NKAIN2: variants seen among roughly 807,000 people sequenced by gnomAD.
NKAIN2 encodes the protein sodium/potassium-transporting ATPase subunit beta-1-interacting protein 2.
In NKAIN2, 14 loss-of-function variants were observed where a neutral mutation model predicts 32.6. That is an observed-to-expected ratio of 0.43 (90% CI 0.28 to 0.67). The LOEUF (loss-of-function observed/expected upper bound fraction) is 0.67. NKAIN2 is among the 30% of genes least tolerant of loss of function. The probability of loss-of-function intolerance (pLI) is 0.17; values close to 1 mark genes in which losing one functional copy is unlikely to be tolerated. For synonymous variants in NKAIN2, 80 were observed against 87.2 expected (o/e 0.92, Z 0.46); for missense variants, 198 against 258.3 (o/e 0.77, Z 1.60).
intron 4 of NKAIN2, among the ~76,000 whole-genome samples, chr6:124,742,355 C>T (rs1011019039): frequency 1.3e-5 from 2 of 151,748 alleles, no homozygotes; most frequent in Admixed American, 6.6e-5. Context: ...AATTCTCTCT[C>T]TCCTCTGAGG....
chr6:123,870,302 G>T (rs1772802371), intron 1 of NKAIN2, among the ~76,000 whole-genome samples: 1 of 152,116 alleles, frequency 6.6e-6, no homozygotes, highest in Non-Finnish European at 1.5e-5. Context: ...GGGGAAGGAG[G>T]AAGTGATTCA....
At chr6:124,171,645 G>A (rs548621244) in intron 1 of NKAIN2, among the ~76,000 whole-genome samples, 1 of 135,666 alleles carries the variant, frequency 7.4e-6, no homozygotes, top group Non-Finnish European at 1.5e-5. Context: ...TCTGCCTCCC[G>A]GTTCAAGCAA....
chr6:124,120,690 C>T (rs982581738), intron 1 of NKAIN2, among the ~76,000 whole-genome samples: 16 of 152,016 alleles, frequency 1.1e-4, no homozygotes, highest in Admixed American at 7.2e-4. Context: ...GATCTTGGAC[C>T]GTGTTTCTTC....
intron 1 of NKAIN2, among the ~76,000 whole-genome samples, chr6:124,235,019 A>G (rs1261021740): frequency 6.6e-6 from 1 of 152,152 alleles, no homozygotes; most frequent in Non-Finnish European, 1.5e-5. Flanking sequence ...GAGAAAGCAC[A>G]CAATGGAATT....
intron 3 of NKAIN2, among the ~76,000 whole-genome samples, chr6:124,547,259 T>C (rs1219995894): frequency 6.6e-6 from 1 of 152,166 alleles, no homozygotes; most frequent in Non-Finnish European, 1.5e-5. Context: ...TGCTATAAAC[T>C]GTTAAAATAT....
At chr6:124,781,853 C>A (rs970470568) in intron 4 of NKAIN2, among the ~76,000 whole-genome samples, 6 of 152,120 alleles carry the variant, frequency 3.9e-5, no homozygotes, top group Admixed American at 3.9e-4. Flanking sequence ...TTAAGTGACA[C>A]TTCGATTCAG....
At chr6:123,889,062 T>C (rs955133612) in intron 1 of NKAIN2, among the ~76,000 whole-genome samples, 1 of 152,084 alleles carries the variant, frequency 6.6e-6, no homozygotes, top group Admixed American at 6.6e-5. Context: ...AGAAGAGATA[T>C]TATTTTCTCT....
At chr6:124,470,812 C>G (rs954911609) in intron 3 of NKAIN2, among the ~76,000 whole-genome samples, 1 of 152,110 alleles carries the variant, frequency 6.6e-6, no homozygotes, top group South Asian at 2.1e-4. Flanking sequence ...AGAAACAAAA[C>G]TTATCTTTCA....
rs150128962 is a variant in NKAIN2 at position 124,360,068 on chromosome 6, A to G, written c.273+4721A>G. 4.0e-3 allele frequency among the ~76,000 whole-genome samples: 616 copies of G among 152,244 alleles called. 12 individuals carry two copies. In the East Asian group the frequency reaches 0.052, roughly 13 times the overall value. On this transcript the variant is annotated intron_variant, in intron 3 of 6. Transcript: ENST00000368417. ...GTCGTTGGTTCTGTTTATATGCTGG[A>G]TTACGTATATTGATTTGCGAATGTT...
At chr6:124,168,715 C>A (rs1223130216) in intron 1 of NKAIN2, among the ~76,000 whole-genome samples, 9 of 152,036 alleles carry the variant, frequency 5.9e-5, no homozygotes, top group Non-Finnish European at 1.5e-5. Context: ...AACATATTAT[C>A]TTGAAAGGAG....
At chr6:123,943,082 C>T (rs1420691940) in intron 1 of NKAIN2, among the ~76,000 whole-genome samples, 4 of 151,902 alleles carry the variant, frequency 2.6e-5, no homozygotes, top group South Asian at 2.1e-4. Context: ...AATGCATTTA[C>T]GTTGATAGTT....
chr6:123,892,810 G>A (rs927296844), intron 1 of NKAIN2, among the ~76,000 whole-genome samples: 1 of 151,628 alleles, frequency 6.6e-6, no homozygotes, highest in Non-Finnish European at 1.5e-5. Context: ...TGGTGAAGGG[G>A]CTCTCCACCC....
chr6:124,608,272 T>A (rs11154251), intron 3 of NKAIN2, among the ~76,000 whole-genome samples: 3 of 152,138 alleles, frequency 2.0e-5, no homozygotes, highest in Non-Finnish European at 4.4e-5. Flanking sequence ...GAATACTTTT[T>A]ACTCATGGTG....
chr6:124,409,326 G>A (rs1188718763), intron 3 of NKAIN2, among the ~76,000 whole-genome samples: 1 of 152,068 alleles, frequency 6.6e-6, no homozygotes, highest in Non-Finnish European at 1.5e-5. Flanking sequence ...TATTGGCTGT[G>A]GGTTTGTCAT....
chr6:124,637,764 A>G (rs549171130), intron 3 of NKAIN2, among the ~76,000 whole-genome samples: 1 of 152,186 alleles, frequency 6.6e-6, no homozygotes, highest in Non-Finnish European at 1.5e-5. Context: ...ATTAAAGAGG[A>G]CCCCCAAAAA....
rs750984913 is a variant in NKAIN2, at chr6:124,044,297, T to C, written c.55-238708T>C. Among the ~76,000 whole-genome samples, 3 of 152,122 alleles carry C rather than the reference T, an allele frequency of 2.0e-5. No homozygotes were observed. The East Asian group carries it at 5.8e-4, about 30-fold the overall frequency. ...CCACCCTAGGCAAAGTTCTAAGCCT[T>C]CTGCAAAGACGGGAGTAAAATCCTC... On this transcript the variant is annotated intron_variant, in intron 1 of 6. Coordinates refer to ENST00000368417, the MANE Select transcript of NKAIN2 (RefSeq NM_001040214.3).
chr6:124,119,123 A>G (rs867479446), intron 1 of NKAIN2, among the ~76,000 whole-genome samples: 1 of 152,334 alleles, frequency 6.6e-6, no homozygotes, highest in Middle Eastern at 3.4e-3. Context: ...TTCTATTACC[A>G]TGTAAGGGTA....
intron 4 of NKAIN2, among the ~76,000 whole-genome samples, chr6:124,782,603 A>G (rs76143150): frequency 0.021 from 3,198 of 152,218 alleles, 97 homozygotes; most frequent in African/African-American, 0.071. Flanking sequence ...GTTAGAGAAT[A>G]TTCAATATGG....
At chr6:124,049,762 C>T (rs1259947612) in intron 1 of NKAIN2, among the ~76,000 whole-genome samples, 2 of 151,986 alleles carry the variant, frequency 1.3e-5, no homozygotes, top group East Asian at 3.9e-4. Context: ...GCCCATTAGC[C>T]ACATAGTCGC....
Sources: allele counts gnomAD v4.1 joint callset (sites outside exome capture counted in the v4.1 genomes callset), GRCh38; gene constraint gnomAD v4.1.1; transcripts MANE v1.5; gene names NCBI Gene and HGNC (gene_info 2026-07-23, HGNC 2026-07-21).